DPF2: variants seen among roughly 807,000 people sequenced by gnomAD.
The protein encoded by DPF2 is double PHD fingers 2.
Under a neutral mutation model 59.6 loss-of-function variants are expected in DPF2, and 10 were observed. The ratio of observed to expected loss-of-function variants is 0.17; its 90% CI spans 0.10 to 0.28. DPF2 has a LOEUF of 0.28. Among genes scored for constraint, DPF2 ranks in the 10% least tolerant of loss-of-function variants. The pLI is 1.00. For missense variants in DPF2, 315 were observed against 509.4 expected (o/e 0.62, Z 3.67); for synonymous variants, 189 against 190.6 (o/e 0.99, Z 0.07).
intron 1 of DPF2, among the ~76,000 whole-genome samples, chr11:65,335,615 C>G (rs1228371299): frequency 6.6e-6 from 1 of 152,184 alleles, no homozygotes; most frequent in Non-Finnish European, 1.5e-5. Context: ...CAACTCTCTC[C>G]TCCTCATTTC....
intron 9 of DPF2, chr11:65,348,611 GAAAAA>G (rs56032535): frequency 8.1e-4 from 193 of 239,604 alleles, no homozygotes; most frequent in South Asian, 1.3e-3. Context: ...GGGCTTTAGG[GAAAAA>G]AAAAAAAAAA....
intron 1 of DPF2, among the ~76,000 whole-genome samples, chr11:65,337,502 TATAGAGAGAGAGAGAG>T (rs1469136367): frequency 2.7e-4 from 9 of 33,108 alleles, no homozygotes; most frequent in African/African-American, 7.4e-4. Context: ...TATATATATA[TATAGAGAGAGAGAGAG>T]AGAGAGAGAG....
chr11:65,336,492 T>TA (rs929811125), intron 1 of DPF2, among the ~76,000 whole-genome samples: 8 of 150,188 alleles, frequency 5.3e-5, no homozygotes, highest in African/African-American at 1.5e-4. Context: ...GACTCTTTCT[T>TA]AAAAAAAAGA....
intron 10 of DPF2, among the ~76,000 whole-genome samples, chr11:65,350,570 C>T (rs1333812074): frequency 2.0e-5 from 3 of 150,222 alleles, no homozygotes; most frequent in South Asian, 2.1e-4. Flanking sequence ...TTAGTAGAGA[C>T]GGGGTTTTGC....
intron 1 of DPF2, 56 bp downstream of exon 1, chr11:65,333,974 G>T: frequency 6.3e-7 from 1 of 1,593,524 alleles, no homozygotes; most frequent in Non-Finnish European, 8.6e-7. Flanking sequence ...GGGCCTGGGA[G>T]TAGGGGGCGG....
At position 65,340,385 on chromosome 11, in the gene DPF2, C is replaced by G; in HGVS notation, c.33C>G (p.Leu11=). The G allele has an allele frequency of 1.2e-6, 2 of 1,613,908 alleles. No individual in the cohort carries two copies. Among genetic ancestry groups the G allele is most frequent in the Non-Finnish European group, 1.7e-6 (2 of 1,179,842 alleles). Residue 11 remains leucine, a splice_region_variant and synonymous_variant, in exon 2 of 11, where the codon CTC becomes CTG. Transcript: ENST00000528416. ...CGCCTGATTTCTATCTTCCCTGCAG[C>G]CTTGGGGAGCAGTACTACAAAGATG... The part of the protein sequence containing the change: MAAVVENVVK[L]LGEQYYKDAM...
chr11:65,345,007 T>C, intron 6 of DPF2: 1 of 254,118 alleles, frequency 3.9e-6, no homozygotes, highest in Non-Finnish European at 7.5e-6. Context: ...CTGGCCCCCT[T>C]GCCCTTCTTG....
intron 10 of DPF2, among the ~76,000 whole-genome samples, chr11:65,349,895 C>A (rs1434338946): frequency 6.6e-6 from 1 of 151,912 alleles, no homozygotes; most frequent in Non-Finnish European, 1.5e-5. Context: ...GCCAGCATTA[C>A]AGGCAAGAGA....
intron 10 of DPF2, among the ~76,000 whole-genome samples, chr11:65,350,584 G>T (rs1465574933): frequency 6.7e-6 from 1 of 150,296 alleles, no homozygotes; most frequent in Admixed American, 6.6e-5. Context: ...GTTTTGCCAT[G>T]GTGCCCAGGC....
chr11:65,351,275 C>T (rs768779455), intron 10 of DPF2, among the ~76,000 whole-genome samples: 10 of 152,114 alleles, frequency 6.6e-5, no homozygotes, highest in Non-Finnish European at 1.3e-4. Flanking sequence ...TATTAATAAA[C>T]AAGGAATGAC....
rs1469669105 is a variant in DPF2 at position 65,333,906 on chromosome 11, A to G, written c.20A>G (p.Asn7Ser). Residue 7 changes from asparagine to serine, a missense_variant, in exon 1 of 11, where the codon AAT becomes AGT. Coordinates refer to ENST00000528416, the MANE Select transcript of DPF2 (RefSeq NM_006268.5). MAAVVE[N>S]VVKLLGEQYY... ...GGGAAGATGGCGGCTGTGGTGGAGA[A>G]TGTAGTGAAGCTGTGAGTGGTCGTT... 1.9e-6 allele frequency: 3 copies of G among 1,613,352 alleles called. No homozygotes were observed. The highest frequency in any genetic ancestry group is 2.2e-5 in the East Asian group (1 of 44,832).
intron 10 of DPF2, among the ~76,000 whole-genome samples, chr11:65,350,548 A>G (rs1432581750): frequency 6.7e-6 from 1 of 149,888 alleles, no homozygotes; most frequent in Non-Finnish European, 1.5e-5. Flanking sequence ...CACCCGGCTA[A>G]TTTTTGTATT....
chr11:65,341,186 G>T, intron 3 of DPF2, 113 bp downstream of exon 3: 1 of 1,295,502 alleles, frequency 7.7e-7, no homozygotes, highest in Non-Finnish European at 1.1e-6. Flanking sequence ...AAATGAATAT[G>T]ATGTGATTCT....
Position 65,351,758 on chromosome 11 carries a change from G to A in DPF2, c.1175G>A (p.Ter392=), listed in dbSNP as rs753199658. The A allele has an allele frequency of 2.7e-5, 43 of 1,612,778 alleles. No homozygotes were observed. Among genetic ancestry groups the A allele is most frequent in the African/African-American group, 5.3e-5 (4 of 74,892 alleles). ...ASIYQNQNSS[*] ...ATCTACCAGAACCAGAACTCCTCTT[G>A]ATGTGGCCACCCACCTGCTCCCCGA... The change falls in exon 11 of 11, where the codon TGA becomes TAA. Residue 392 remains the stop codon, a stop_retained_variant. Transcript: ENST00000528416.
chr11:65,349,799 GAA>G (rs752954228), intron 10 of DPF2, among the ~76,000 whole-genome samples: 1 of 120,454 alleles, frequency 8.3e-6, no homozygotes, highest in Non-Finnish European at 1.8e-5. Context: ...CCATCTCAAA[GAA>G]AAAAAAAAAA....
intron 9 of DPF2, chr11:65,348,631 A>AT: frequency 2.3e-6 from 1 of 438,360 alleles, no homozygotes; most frequent in Non-Finnish European, 4.0e-6. Flanking sequence ...AAAAAAAAAA[A>AT]GTGGAGGTGA....
Position 65,346,479 on chromosome 11 carries a change from A to G in DPF2, c.1017+120A>G, listed in dbSNP as rs1264373303. 3.7e-6 allele frequency: 3 copies of G among 802,438 alleles called. No individual in the cohort carries two copies. The East Asian group carries it at 8.2e-5, about 22-fold the overall frequency. The allele number at this position is 802,438 out of a possible 1,614,324, so 49.7% of individuals were successfully genotyped here. A position where few individuals can be genotyped will look rare whatever the true frequency, so the allele number is the denominator to read the frequency against. ...GAGCAGGATCCCTCCCACATGCCAC[A>G]CGCCCCTCCCTAGCATCTCAGTCAG... On this transcript the variant is annotated intron_variant, in intron 9 of 10. Coordinates refer to ENST00000528416, the MANE Select transcript of DPF2 (RefSeq NM_006268.5).
chr11:65,337,540 G>T (rs1295317778), intron 1 of DPF2, among the ~76,000 whole-genome samples: 1 of 132,044 alleles, frequency 7.6e-6, no homozygotes, highest in Non-Finnish European at 1.6e-5. Context: ...GAGAGAGAGA[G>T]AGAGAGAACA....
intron 6 of DPF2, chr11:65,344,647 G>C (rs1398162985): frequency 6.5e-7 from 1 of 1,535,204 alleles, no homozygotes; most frequent in Non-Finnish European, 8.7e-7. Context: ...TTTCAGACTT[G>C]TGGTTTTCCT....
Sources: allele counts gnomAD v4.1 joint callset (sites outside exome capture counted in the v4.1 genomes callset), GRCh38; gene constraint gnomAD v4.1.1; transcripts MANE v1.5; gene names NCBI Gene and HGNC (gene_info 2026-07-23, HGNC 2026-07-21).